ZNF420: variants seen among roughly 807,000 people sequenced by gnomAD.
The protein encoded by ZNF420 is zinc finger protein 420.
In ZNF420, 31 loss-of-function variants were observed where a neutral mutation model predicts 44.7. The observed-to-expected ratio is 0.69, with a 90% CI of 0.52 to 0.94. ZNF420 has a LOEUF of 0.94. Among genes scored for constraint, ZNF420 ranks in the 40% least tolerant of loss-of-function variants. ZNF420 has a pLI of 0.00. For synonymous variants in ZNF420, 245 were observed against 267.4 expected, an observed-to-expected ratio of 0.92 and a Z score of 0.82; for missense variants, 681 against 827.9, an observed-to-expected ratio of 0.82 and a Z score of 2.18.
At chr19:37,117,240 C>T (rs1050340895) in intron 4 of ZNF420, among the ~76,000 whole-genome samples, 1 of 152,198 alleles carries the variant, frequency 6.6e-6, no homozygotes, top group Non-Finnish European at 1.5e-5. Flanking sequence ...TGGCCGGGTA[C>T]TCCTCTGAGA....
chr19:37,060,911 G>A (rs1055594205), intron 1 of ZNF420, among the ~76,000 whole-genome samples: 13 of 152,108 alleles, frequency 8.5e-5, no homozygotes, highest in African/African-American at 3.1e-4. Context: ...CTGGGTGCAG[G>A]GGAGGTTGCG....
upstream of ZNF420, among the ~76,000 whole-genome samples, chr19:37,076,719 C>T (rs1968164296): frequency 6.6e-6 from 1 of 152,152 alleles, no homozygotes; most frequent in Non-Finnish European, 1.5e-5. Flanking sequence ...TTTTTTATGG[C>T]TGCATAGTAT....
intron 1 of ZNF420, among the ~76,000 whole-genome samples, chr19:37,029,866 G>A (rs1967225473): frequency 7.4e-6 from 1 of 134,892 alleles, no homozygotes; most frequent in Admixed American, 7.5e-5. Flanking sequence ...ACAATATAAT[G>A]TTATAGGATA....
At chr19:37,011,097 C>A (rs2074565879) in intron 1 of ZNF420, among the ~76,000 whole-genome samples, 1 of 152,208 alleles carries the variant, frequency 6.6e-6, no homozygotes, top group Non-Finnish European at 1.5e-5. Context: ...TCTGCTCTAT[C>A]CTCCCTCTTG....
intron 4 of ZNF420, among the ~76,000 whole-genome samples, chr19:37,123,951 C>T (rs1366649010): frequency 6.6e-6 from 1 of 152,078 alleles, no homozygotes; most frequent in Admixed American, 6.6e-5. Context: ...TCATATTTTA[C>T]CCACCATTTA....
intron 1 of ZNF420, among the ~76,000 whole-genome samples, chr19:37,052,900 T>A (rs1368528364): frequency 6.6e-6 from 1 of 152,204 alleles, no homozygotes; most frequent in African/African-American, 2.4e-5. Context: ...TGAATTTGAA[T>A]GTTGGCCTGC....
At chr19:37,094,102 GTATCATATTTTTTGAAA>G (rs1350978123) in intron 4 of ZNF420, among the ~76,000 whole-genome samples, 6 of 152,152 alleles carry the variant, frequency 3.9e-5, no homozygotes, top group African/African-American at 1.4e-4. Context: ...TGGTACATGA[GTATCATATTTTTTGAAA>G]TTCTCTAGGT....
intron 4 of ZNF420, among the ~76,000 whole-genome samples, chr19:37,104,526 G>C (rs1423818170): frequency 6.6e-6 from 1 of 152,116 alleles, no homozygotes; most frequent in African/African-American, 2.4e-5. Context: ...GGGTCAAATG[G>C]TATTTCTAGT....
intron 1 of ZNF420, among the ~76,000 whole-genome samples, chr19:37,022,929 C>T (rs2074660462): frequency 1.3e-5 from 2 of 151,940 alleles, no homozygotes; most frequent in Admixed American, 6.6e-5. Context: ...CAAGGTCAGG[C>T]GTTCGAGACA....
chr19:37,026,413 G>A (rs954307025), intron 1 of ZNF420, among the ~76,000 whole-genome samples: 4 of 151,622 alleles, frequency 2.6e-5, no homozygotes, highest in South Asian at 2.1e-4. Flanking sequence ...TCCGCCTCCT[G>A]GGTTCAAGCG....
At chr19:37,117,597 A>G (rs1385620824) in intron 4 of ZNF420, among the ~76,000 whole-genome samples, 1 of 152,242 alleles carries the variant, frequency 6.6e-6, no homozygotes, top group Non-Finnish European at 1.5e-5. Flanking sequence ...GTTCCTCACC[A>G]GCAACAGAAC....
intron 1 of ZNF420, among the ~76,000 whole-genome samples, chr19:37,034,706 T>G (rs1967322577): frequency 6.6e-6 from 1 of 152,300 alleles, no homozygotes; most frequent in Non-Finnish European, 1.5e-5. Flanking sequence ...CTAAAGTAAT[T>G]ATGAAAGTTC....
chr19:37,049,112 A>G (rs1162951404), intron 1 of ZNF420, among the ~76,000 whole-genome samples: 2 of 151,976 alleles, frequency 1.3e-5, no homozygotes, highest in African/African-American at 2.4e-5. Context: ...AATCCAGTCT[A>G]TCATTGTTGG....
chr19:37,012,544 G>A (rs1379090039), intron 1 of ZNF420, among the ~76,000 whole-genome samples: 3 of 152,198 alleles, frequency 2.0e-5, no homozygotes, highest in Non-Finnish European at 4.4e-5. Context: ...AGCCACAGGC[G>A]GAGTCTGGGG....
Position 37,127,263 on chromosome 19 carries a change from A to G in ZNF420, c.272A>G (p.Glu91Gly). 1 of 1,613,706 alleles carries G rather than the reference A, an allele frequency of 6.2e-7. No homozygotes were observed. The highest frequency in any genetic ancestry group is 2.2e-5 in the East Asian group (1 of 44,858). Residue 91 changes from glutamate to glycine, a missense_variant, in exon 5 of 5, where the codon GAA (glutamate) becomes GGA (glycine). This residue lies in a region of ZNF420 where 350 missense variants were observed against 382.5 expected (regional missense o/e 0.92). Transcript: ENST00000337995. ...LEESNSRDYL[E>G]AKGKMEKQQE... ...GAGTCCAATTCCAGGGATTATTTGG[A>G]AGCCAAAGGCAAGATGGAGAAGCAA...
intron 2 of ZNF420, among the ~76,000 whole-genome samples, chr19:37,086,901 T>TA (rs1462887027): frequency 6.6e-6 from 1 of 152,216 alleles, no homozygotes; most frequent in Admixed American, 6.5e-5. Flanking sequence ...CTTGTCTTGT[T>TA]ACCATTTTTT....
At chr19:37,045,308 T>A (rs541862543) in intron 1 of ZNF420, among the ~76,000 whole-genome samples, 2 of 152,224 alleles carry the variant, frequency 1.3e-5, no homozygotes, top group African/African-American at 4.8e-5. Flanking sequence ...TACACTGATA[T>A]TGGGAAAAGA....
At chr19:37,077,349 C>T (rs1291617803), upstream of ZNF420, among the ~76,000 whole-genome samples, 1 of 152,084 alleles carries the variant, frequency 6.6e-6, no homozygotes, top group Non-Finnish European at 1.5e-5. Flanking sequence ...TAGTTGATGG[C>T]CTCTCAACCG....
intron 1 of ZNF420, among the ~76,000 whole-genome samples, chr19:37,021,115 A>T (rs1386112660): frequency 2.0e-5 from 3 of 152,236 alleles, no homozygotes; most frequent in Non-Finnish European, 4.4e-5. Flanking sequence ...CGTGTAAACC[A>T]GGAGTTGAGA....
Sources: gnomAD v4.1 joint callset for allele counts (sites outside exome capture counted in the v4.1 genomes callset) on GRCh38, gnomAD v4.1.1 for gene constraint, gnomAD v4.1.1 regional missense constraint, MANE v1.5 for transcripts, NCBI Gene and HGNC (gene_info 2026-07-23, HGNC 2026-07-21) for gene names.